The following NF2 variants were observed in gnomAD, a reference collection of about 807,000 sequenced individuals.
The protein encoded by NF2 is NF2, moesin-ezrin-radixin like (MERLIN) tumor suppressor.
Under a neutral mutation model 83.7 loss-of-function variants are expected in NF2, and 8 were observed. The ratio of observed to expected loss-of-function variants is 0.10; its 90% CI spans 0.06 to 0.17. The LOEUF is 0.17. NF2 is among the 10% of genes least tolerant of loss of function. NF2 has a pLI of 1.00. For synonymous variants in NF2, 266 were observed against 269.6 expected (o/e 0.99, Z 0.13); for missense variants, 533 against 744.4 (o/e 0.72, Z 3.31).
rs2067191392 is a variant in NF2 at position 29,683,181 on chromosome 22, G to A, written c.1737+1580G>A. The A allele has an allele frequency of 2.1e-5, 34 of 1,611,320 alleles. No homozygotes were observed. The South Asian group carries it at 3.1e-4, about 15-fold the overall frequency. ...CCACACTGAGCCCTTACGAGGGCAGGTGGTGCCTGGGTACTGGCCGCAGCA... is the reference window on the plus strand; with the variant it reads ...CCACACTGAGCCCTTACGAGGGCAGATGGTGCCTGGGTACTGGCCGCAGCA... On this transcript the variant is annotated intron_variant, in intron 15 of 15. Transcript: ENST00000338641.
rs1004359750 is a variant in NF2 at position 29,666,924 on chromosome 22, C to T, written c.886-1409C>T. Among the ~76,000 whole-genome samples, 17 of 151,726 alleles carry T rather than the reference C, an allele frequency of 1.1e-4. No individual in the cohort carries two copies. In the South Asian group the frequency reaches 2.3e-3, roughly 20 times the overall value. ...CCAGGAGGTGGAGGTTGCAGTGAGC[C>T]GAGATCATGCCATTGCACTCCAGCC... On this transcript the variant is annotated intron_variant, in intron 9 of 15. Transcript: ENST00000338641.
chr22:29,682,973 T>C (rs1361888681), intron 15 of NF2: 2 of 1,610,598 alleles, frequency 1.2e-6, no homozygotes, highest in Non-Finnish European at 1.7e-6. Flanking sequence ...ATTGTTGATA[T>C]CACAGGGTAT....
chr22:29,639,024 C>A (rs2065725131), intron 2 of NF2, 66 bp from the exon 3 acceptor site: 1 of 1,612,462 alleles, frequency 6.2e-7, no homozygotes. Context: ...GCAAAGGCTT[C>A]TTTGAGGGTA....
chr22:29,616,489 A>G (rs1163285346), intron 1 of NF2, among the ~76,000 whole-genome samples: 1 of 152,270 alleles, frequency 6.6e-6, no homozygotes, highest in Admixed American at 6.5e-5. Context: ...TCACGCATGT[A>G]ATCCCAGCAC....
intron 1 of NF2, among the ~76,000 whole-genome samples, chr22:29,622,226 C>G (rs1276558561): frequency 6.6e-6 from 1 of 152,190 alleles, no homozygotes; most frequent in African/African-American, 2.4e-5. Context: ...ATTTTGTAAA[C>G]TTGCCAGTGG....
rs766339217 is a variant in NF2, at chr22:29,674,940, C to G, written c.1445C>G (p.Pro482Arg). The G allele has an allele frequency of 1.2e-5, 18 of 1,561,360 alleles. 1 individual carries two copies. The African/African-American group carries it at 1.9e-4, about 17-fold the overall frequency. ...LLEIATKPTY[P>R]PMNPIPAPLP... ...GAGATTGCCACCAAGCCCACGTACC[C>G]GGTGAGCCTGGGGGCCACCAGCTGG... Residue 482 changes from proline to arginine, a missense_variant and splice_region_variant, in exon 13 of 16, where the codon CCG becomes CGG. Physicochemically the swap from Pro to Arg is moderately radical, Grantham distance 103. Transcript: ENST00000338641.
chr22:29,691,889 T>TC (rs1407662580), intron 15 of NF2, among the ~76,000 whole-genome samples: 2 of 152,202 alleles, frequency 1.3e-5, no homozygotes, highest in African/African-American at 4.8e-5. Context: ...CCTGCCTTCT[T>TC]CACCTGCTGG....
chr22:29,695,146 TG>T lies in NF2; in HGVS notation c.*347del. On this transcript the variant is annotated 3_prime_UTR_variant, in exon 16 of 16. Coordinates refer to ENST00000338641, the MANE Select transcript of NF2 (RefSeq NM_000268.4). The surrounding 1 kb of genome is among the most constrained non-coding windows in gnomAD (Gnocchi z 5.4). ...CAGAGCTGACCTCCACCGCCCAGCCTGGGAAGTCATTGTAGGGAGTGAGACA... is the reference window on the plus strand; with the variant it reads ...CAGAGCTGACCTCCACCGCCCAGCCTGGAAGTCATTGTAGGGAGTGAGACA... The T allele has an allele frequency of 2.1e-6, 1 of 469,648 alleles. No homozygotes were observed. The highest frequency in any genetic ancestry group is 3.3e-5 in the Admixed American group (1 of 30,060). 29.1% of individuals were successfully genotyped at this position (469,648 alleles called of 1,614,324 possible). A position where few individuals can be genotyped will look rare whatever the true frequency, so the allele number is the denominator to read the frequency against.
intron 1 of NF2, among the ~76,000 whole-genome samples, chr22:29,618,027 A>G (rs1340216599): frequency 1.3e-5 from 2 of 152,232 alleles, no homozygotes; most frequent in Non-Finnish European, 2.9e-5. Flanking sequence ...AGGAAGATAT[A>G]GGAGGGACTA....
chr22:29,682,940 A>T (rs553519016), intron 15 of NF2: 1 of 1,551,878 alleles, frequency 6.4e-7, no homozygotes, highest in African/African-American at 1.4e-5. Flanking sequence ...CTATCCAAGC[A>T]TTTTGCAGAT....
intron 8 of NF2, among the ~76,000 whole-genome samples, chr22:29,663,127 G>A (rs1428868577): frequency 1.3e-5 from 2 of 152,204 alleles, no homozygotes; most frequent in Non-Finnish European, 2.9e-5. Flanking sequence ...GAGATAAGCA[G>A]TTAGGTATTT....
At chr22:29,632,722 T>A (rs1236238858) in intron 1 of NF2, among the ~76,000 whole-genome samples, 1 of 152,190 alleles carries the variant, frequency 6.6e-6, no homozygotes, top group East Asian at 1.9e-4. Flanking sequence ...CCGTCCACAG[T>A]CCGTCCTGTG....
chr22:29,676,403 C>T (rs950354394), intron 13 of NF2, among the ~76,000 whole-genome samples: 13 of 151,998 alleles, frequency 8.6e-5, no homozygotes, highest in South Asian at 2.1e-4. Flanking sequence ...CTCAAACTCC[C>T]GAGCTCAAGT....
chr22:29,628,328 G>A (rs1184688654), intron 1 of NF2, among the ~76,000 whole-genome samples: 1 of 152,080 alleles, frequency 6.6e-6, no homozygotes, highest in Non-Finnish European at 1.5e-5. Context: ...TGGACAGCAG[G>A]GAGACAAAGG....
At chr22:29,612,786 GTTTAT>G (rs1418239221) in intron 1 of NF2, among the ~76,000 whole-genome samples, 1 of 151,860 alleles carries the variant, frequency 6.6e-6, no homozygotes, top group Non-Finnish European at 1.5e-5. Context: ...CAGAATCCCA[GTTTAT>G]TTCATTGTAG....
chr22:29,641,337 CA>C (rs2065805825), intron 3 of NF2, among the ~76,000 whole-genome samples: 1 of 152,178 alleles, frequency 6.6e-6, no homozygotes, highest in South Asian at 2.1e-4. Context: ...TCCTAGGTCC[CA>C]GAATGTCCTA....
chr22:29,640,723 A>G (rs1225449416), intron 3 of NF2, among the ~76,000 whole-genome samples: 1 of 152,028 alleles, frequency 6.6e-6, no homozygotes, highest in Non-Finnish European at 1.5e-5. Flanking sequence ...ATTAAGTTAA[A>G]TATAATAAAA....
intron 4 of NF2, among the ~76,000 whole-genome samples, chr22:29,645,772 G>T (rs2065967232): frequency 6.6e-6 from 1 of 152,162 alleles, no homozygotes; most frequent in African/African-American, 2.4e-5. Context: ...TTACTTTTCA[G>T]TGAACCAGCA....
At chr22:29,648,131 A>AAAT (rs2066035613) in intron 4 of NF2, among the ~76,000 whole-genome samples, 1 of 145,268 alleles carries the variant, frequency 6.9e-6, no homozygotes, top group African/African-American at 2.6e-5. Context: ...ACTCCATCTC[A>AAAT]AAATAAATAA....
Sources: allele counts gnomAD v4.1 joint callset (sites outside exome capture counted in the v4.1 genomes callset), GRCh38; gene constraint gnomAD v4.1.1; non-coding constraint Gnocchi (gnomAD v3.1); transcripts MANE v1.5; gene names NCBI Gene and HGNC (gene_info 2026-07-23, HGNC 2026-07-21).